SRP72: variants seen among roughly 807,000 people sequenced by gnomAD.
SRP72 encodes signal recognition particle subunit SRP72.
Under a neutral mutation model 96.3 loss-of-function variants are expected in SRP72, and 49 were observed. The observed-to-expected ratio is 0.51, with a 90% CI of 0.40 to 0.65. The LOEUF (loss-of-function observed/expected upper bound fraction) is 0.65, where lower values mean the gene tolerates loss of function less well. Ranked by LOEUF, SRP72 falls within the 30% of genes least tolerant of loss-of-function variation. The probability of loss-of-function intolerance (pLI) is 0.00; values close to 1 mark genes in which losing one functional copy is unlikely to be tolerated. For synonymous variants in SRP72, 267 were observed against 275.2 expected (o/e 0.97, Z 0.30); for missense variants, 736 against 793.3 (o/e 0.93, Z 0.87).
chr4:56,473,943 T>C lies in SRP72; in HGVS notation c.355-111T>C, dbSNP rs4615235. On this transcript the variant is annotated intron_variant, in intron 3 of 18. Transcript: ENST00000642900. ...TAAAACATAAACAGTTGATTGTTCA[T>C]GTTATGCTGAACTAGGATTCCTACT... 0.3 allele frequency: 296,215 copies of C among 990,794 alleles called. 46,782 individuals are homozygous for C. Among genetic ancestry groups the C allele is most frequent in the Admixed American group, 0.47 (16,048 of 33,822 alleles). 61.4% of individuals were successfully genotyped at this position (990,794 alleles called of 1,614,324 possible).
chr4:56,478,243 A>G (rs1204929756), intron 6 of SRP72, 136 bp from the exon 7 acceptor site: 1 of 733,730 alleles, frequency 1.4e-6, no homozygotes, highest in South Asian at 5.5e-5. Flanking sequence ...GGCTGTTTCT[A>G]AAGAACTGAC....
Position 56,490,453 on chromosome 4 carries a change from G to A in SRP72, c.1424+17G>A. ...GCTGTGGAAGTAAGCTCTGAAACGTGGAGTTGTAGAAATAACACATTTATT... is the reference window on the plus strand; with the variant it reads ...GCTGTGGAAGTAAGCTCTGAAACGTAGAGTTGTAGAAATAACACATTTATT... On this transcript the variant is annotated intron_variant, in intron 14 of 18. Coordinates refer to ENST00000642900, the MANE Select transcript of SRP72 (RefSeq NM_006947.4). 3.1e-6 allele frequency: 5 copies of A among 1,610,486 alleles called. No individual in the cohort carries two copies. Among genetic ancestry groups the A allele is most frequent in the Non-Finnish European group, 4.2e-6 (5 of 1,177,808 alleles).
rs370356532 is a variant in SRP72, at chr4:56,471,724, T to A, written c.235T>A (p.Ser79Thr). Residue 79 changes from serine to threonine, a missense_variant, in exon 3 of 19, where the codon TCT (serine) becomes ACT (threonine). By Grantham distance (58) the Ser-to-Thr change is moderately conservative. Coordinates refer to ENST00000642900, the MANE Select transcript of SRP72 (RefSeq NM_006947.4). Reference protein sequence around the residue: ...NTHTKVLANNSLSFEKAYCEY... With the variant: ...NTHTKVLANNTLSFEKAYCEY... ...TGTTTTTTTTTCCTTCTTCAGTAAC[T>A]CTCTCTCCTTTGAAAAGGCATATTG... is the stretch of plus-strand genomic sequence containing the variant. The A allele has an allele frequency of 6.2e-6, 10 of 1,612,432 alleles. No homozygotes were observed. The highest frequency in any genetic ancestry group is 7.6e-6 in the Non-Finnish European group (9 of 1,179,388).
chr4:56,498,155 T>C (rs1721142385), intron 17 of SRP72, among the ~76,000 whole-genome samples: 2 of 152,198 alleles, frequency 1.3e-5, no homozygotes, highest in Admixed American at 6.5e-5. Context: ...AGTTTTTTTC[T>C]TTATGGTCTC....
chr4:56,468,085 T>C (rs1208127889), intron 1 of SRP72, among the ~76,000 whole-genome samples: 2 of 152,252 alleles, frequency 1.3e-5, no homozygotes, highest in African/African-American at 2.4e-5. Context: ...ATTTCACAAA[T>C]ATTCCAAAGT....
chr4:56,492,263 T>C (rs564432590), intron 16 of SRP72, among the ~76,000 whole-genome samples: 37 of 152,366 alleles, frequency 2.4e-4, no homozygotes, highest in African/African-American at 7.2e-4. Context: ...AGGCTGGATG[T>C]GCCTTCCTTT....
chr4:56,479,409 G>C (rs1272119662), intron 8 of SRP72, among the ~76,000 whole-genome samples: 1 of 151,810 alleles, frequency 6.6e-6, no homozygotes, highest in Non-Finnish European at 1.5e-5. Flanking sequence ...TCATTCTCCC[G>C]ACCTCGTGAT....
intron 3 of SRP72, among the ~76,000 whole-genome samples, chr4:56,472,572 C>G (rs1720020879): frequency 6.6e-6 from 1 of 152,002 alleles, no homozygotes; most frequent in Non-Finnish European, 1.5e-5. Flanking sequence ...GTCTCAAACT[C>G]CCAGCATCAA....
chr4:56,496,967 G>A (rs769814235), intron 17 of SRP72, among the ~76,000 whole-genome samples: 1 of 152,030 alleles, frequency 6.6e-6, no homozygotes, highest in Non-Finnish European at 1.5e-5. Flanking sequence ...CCAGCCTGGT[G>A]ACAGAGTGAG....
intron 17 of SRP72, among the ~76,000 whole-genome samples, chr4:56,499,791 G>T (rs1167632309): frequency 6.6e-6 from 1 of 152,226 alleles, no homozygotes; most frequent in African/African-American, 2.4e-5. Context: ...TTTAGCCATT[G>T]TGGAAGACAG....
intron 8 of SRP72, among the ~76,000 whole-genome samples, chr4:56,480,027 A>G (rs1029805011): frequency 3.3e-5 from 5 of 152,130 alleles, no homozygotes; most frequent in Non-Finnish European, 7.4e-5. Flanking sequence ...TTGGATTCAG[A>G]TTCTAGTTTC....
intron 1 of SRP72, among the ~76,000 whole-genome samples, chr4:56,468,679 A>G (rs1379751567): frequency 6.6e-6 from 1 of 152,192 alleles, no homozygotes; most frequent in Non-Finnish European, 1.5e-5. Context: ...TAACGTGAAA[A>G]GTAGTGATTG....
chr4:56,487,801 C>G, intron 11 of SRP72, 148 bp from the exon 12 acceptor site: 1 of 596,912 alleles, frequency 1.7e-6, no homozygotes, highest in Non-Finnish European at 2.9e-6. Flanking sequence ...CCCCAAGACC[C>G]CAAAGTTTAT....
intron 3 of SRP72, among the ~76,000 whole-genome samples, chr4:56,473,636 A>G (rs1720076313): frequency 6.8e-6 from 1 of 147,290 alleles, no homozygotes; most frequent in African/African-American, 2.5e-5. Context: ...ATGGTGGCGC[A>G]CGTCTGTAAT....
intron 16 of SRP72, among the ~76,000 whole-genome samples, chr4:56,493,750 C>T (rs1033928857): frequency 8.5e-5 from 13 of 152,144 alleles, no homozygotes; most frequent in African/African-American, 2.9e-4. Flanking sequence ...TCTATAATCC[C>T]AGCTATTTGG....
chr4:56,480,922 G>A (rs1365898947), intron 8 of SRP72, among the ~76,000 whole-genome samples: 1 of 152,148 alleles, frequency 6.6e-6, no homozygotes, highest in African/African-American at 2.4e-5. Flanking sequence ...ACAAAAAAAA[G>A]TACATATGAA....
chr4:56,495,692 A>G (rs912084593), intron 17 of SRP72, among the ~76,000 whole-genome samples: 1 of 152,236 alleles, frequency 6.6e-6, no homozygotes, highest in Non-Finnish European at 1.5e-5. Flanking sequence ...ATCTTGTAGT[A>G]TTAGATACTA....
chr4:56,493,033 T>C (rs1260142491), intron 16 of SRP72, among the ~76,000 whole-genome samples: 1 of 151,952 alleles, frequency 6.6e-6, no homozygotes, highest in Non-Finnish European at 1.5e-5. Flanking sequence ...CTTTGTTTCT[T>C]TTGTTTGTTT....
chr4:56,483,039 A>G lies in SRP72; in HGVS notation c.826-100A>G, dbSNP rs1720564104. ...GCTTAGGCACCCCAATCAGGTAGAT[A>G]GATTCAAGCTCTCCTGCTGTATCTA... On this transcript the variant is annotated intron_variant, in intron 8 of 18. Transcript: ENST00000642900. The G allele has an allele frequency of 3.6e-6, 4 of 1,099,996 alleles. No individual in the cohort carries two copies. The South Asian group carries it at 6.5e-5, about 18-fold the overall frequency. 68.1% of individuals were successfully genotyped at this position (1,099,996 alleles called of 1,614,324 possible). A position where few individuals can be genotyped will look rare whatever the true frequency, so the allele number is the denominator to read the frequency against.
Sources: gnomAD v4.1 joint callset for allele counts (sites outside exome capture counted in the v4.1 genomes callset) on GRCh38, gnomAD v4.1.1 for gene constraint, MANE v1.5 for transcripts, NCBI Gene and HGNC (gene_info 2026-07-23, HGNC 2026-07-21) for gene names.